CTNNA3: variants seen among roughly 807,000 people sequenced by gnomAD.
CTNNA3 encodes catenin alpha 3, also known as catenin alpha-3.
CTNNA3 carries 76 observed loss-of-function variants against 95.7 expected under a neutral mutation model. That is an observed-to-expected ratio of 0.79 (90% CI 0.66 to 0.96). The LOEUF (loss-of-function observed/expected upper bound fraction) is 0.96. Among genes scored for constraint, CTNNA3 ranks in the 40% least tolerant of loss-of-function variants. The pLI, the probability that CTNNA3 is intolerant of heterozygous loss-of-function variation, is 0.00. For missense variants in CTNNA3, 1,191 were observed against 1,089.8 expected (o/e 1.09, Z -1.31); for synonymous variants, 431 against 374.4 (o/e 1.15, Z -1.74).
At chr10:67,575,652 C>G (rs1443087666) in intron 3 of CTNNA3, among the ~76,000 whole-genome samples, 1 of 152,152 alleles carries the variant, frequency 6.6e-6, no homozygotes, top group Non-Finnish European at 1.5e-5. Context: ...CTACTCCAAG[C>G]CAGAGATTCT....
At chr10:65,964,835 G>A (rs1452505704) in intron 17 of CTNNA3, among the ~76,000 whole-genome samples, 1 of 151,940 alleles carries the variant, frequency 6.6e-6, no homozygotes, top group Non-Finnish European at 1.5e-5. Context: ...AAGCCAAAAG[G>A]AATATACAGT....
At chr10:67,455,236 G>A (rs2132975746) in intron 5 of CTNNA3, among the ~76,000 whole-genome samples, 1 of 151,986 alleles carries the variant, frequency 6.6e-6, no homozygotes, top group African/African-American at 2.4e-5. Flanking sequence ...AATAAAATAG[G>A]GTAGTTTTTA....
At chr10:66,233,698 T>C (rs35988218) in intron 13 of CTNNA3, among the ~76,000 whole-genome samples, 18,549 of 152,146 alleles carry the variant, frequency 0.12, 1,436 homozygotes, top group East Asian at 0.26. Context: ...TAAAAAGCAA[T>C]ACTATTTCAC....
chr10:66,138,779 A>G (rs1235779176), intron 13 of CTNNA3, among the ~76,000 whole-genome samples: 1 of 152,182 alleles, frequency 6.6e-6, no homozygotes, highest in African/African-American at 2.4e-5. Context: ...GAATCGCTTG[A>G]ACCCAGGAGG....
rs563262427 is a variant in CTNNA3 at position 65,949,584 on chromosome 10, G to T, written c.2400+17028C>A. Among the ~76,000 whole-genome samples, 10 of 152,252 alleles carry T rather than the reference G, an allele frequency of 6.6e-5. No homozygotes were observed. The East Asian group carries it at 1.7e-3, about 26-fold the overall frequency. On this transcript the variant is annotated intron_variant, in intron 17 of 17. Transcript: ENST00000433211. ...AGAAGGGGAGGGAAGAAAAAAGCATGGGGAGGTAGGGCCTGGAACTAATAA... is the reference window on the plus strand; with the variant it reads ...AGAAGGGGAGGGAAGAAAAAAGCATTGGGAGGTAGGGCCTGGAACTAATAA...
chr10:66,362,728 A>G (rs1034795283), intron 12 of CTNNA3, among the ~76,000 whole-genome samples: 18 of 152,052 alleles, frequency 1.2e-4, no homozygotes, highest in Non-Finnish European at 2.2e-4. Flanking sequence ...CGACCAAAAA[A>G]AAAAAGGTAA....
chr10:67,583,935 C>G (rs942500982), intron 3 of CTNNA3, among the ~76,000 whole-genome samples: 2 of 152,144 alleles, frequency 1.3e-5, no homozygotes, highest in African/African-American at 2.4e-5. Context: ...CTTCTCTATG[C>G]TGCTTATTCT....
Position 66,421,729 on chromosome 10 carries a change from G to A in CTNNA3, c.1532-42377C>T, listed in dbSNP as rs573517666. The stretch of plus-strand genomic sequence containing the variant: ...TGCACGCCTGTAGTCCCAGCTACTC[G>A]GGAGGCTGAGGCAAAGAAATGGCTG... On this transcript the variant is annotated intron_variant, in intron 11 of 17. Transcript: ENST00000433211. 1.5e-4 allele frequency among the ~76,000 whole-genome samples: 22 copies of A among 150,844 alleles called. No homozygotes were observed. In the South Asian group the frequency reaches 2.5e-3, roughly 17 times the overall value.
At chr10:66,954,939 C>T (rs1925568) in intron 7 of CTNNA3, among the ~76,000 whole-genome samples, 65,277 of 151,902 alleles carry the variant, frequency 0.43, 15,575 homozygotes, top group East Asian at 0.6. Context: ...ATATATAAAA[C>T]GGAAGTAATA....
At chr10:67,157,697 T>C (rs1298986825) in intron 7 of CTNNA3, among the ~76,000 whole-genome samples, 1 of 152,114 alleles carries the variant, frequency 6.6e-6, no homozygotes, top group Non-Finnish European at 1.5e-5. Flanking sequence ...GCCCAGTCTC[T>C]AAATGTCACT....
At chr10:67,750,051 G>T (rs1489937116) in intron 1 of CTNNA3, among the ~76,000 whole-genome samples, 2 of 152,108 alleles carry the variant, frequency 1.3e-5, no homozygotes, top group Non-Finnish European at 2.9e-5. Flanking sequence ...AGGTCCGCGG[G>T]CTCATTTTGA....
At chr10:67,215,439 G>GAA (rs1344537859) in intron 6 of CTNNA3, among the ~76,000 whole-genome samples, 1 of 152,102 alleles carries the variant, frequency 6.6e-6, no homozygotes, top group African/African-American at 2.4e-5. Context: ...AACCGTATGA[G>GAA]AATTTTTTGA....
At chr10:66,614,508 T>C (rs1844442801) in intron 10 of CTNNA3, among the ~76,000 whole-genome samples, 1 of 151,984 alleles carries the variant, frequency 6.6e-6, no homozygotes, top group Non-Finnish European at 1.5e-5. Flanking sequence ...TACTTTGTTC[T>C]TTTTATATTT....
At chr10:67,256,177 A>T (rs891803475) in intron 5 of CTNNA3, among the ~76,000 whole-genome samples, 1 of 152,148 alleles carries the variant, frequency 6.6e-6, no homozygotes, top group South Asian at 2.1e-4. Context: ...CCATTAGGAA[A>T]ATATTATTTG....
At chr10:67,574,733 G>A (rs958288338) in intron 3 of CTNNA3, among the ~76,000 whole-genome samples, 1 of 151,536 alleles carries the variant, frequency 6.6e-6, no homozygotes, top group African/African-American at 2.4e-5. Flanking sequence ...GGCACCCACC[G>A]CCATGCCCGG....
chr10:65,927,188 G>A (rs1487706052), intron 17 of CTNNA3, among the ~76,000 whole-genome samples: 3 of 152,076 alleles, frequency 2.0e-5, no homozygotes, highest in East Asian at 3.9e-4. Context: ...GTTAACTCAC[G>A]TATTAAACGA....
intron 13 of CTNNA3, among the ~76,000 whole-genome samples, chr10:66,133,411 A>T (rs747553573): frequency 6.2e-4 from 94 of 152,064 alleles, no homozygotes; most frequent in Non-Finnish European, 8.7e-4. Flanking sequence ...GCTATGGGGG[A>T]GGCTGAGACA....
intron 1 of CTNNA3, among the ~76,000 whole-genome samples, chr10:67,694,502 T>C (rs1840926694): frequency 6.6e-6 from 1 of 152,150 alleles, no homozygotes; most frequent in East Asian, 1.9e-4. Context: ...AAGGAAATTA[T>C]CTTAAACATA....
chr10:67,763,566 G>T (rs1349024330), exon 1 of CTNNA3, among the ~76,000 whole-genome samples: 1 of 152,170 alleles, frequency 6.6e-6, no homozygotes, highest in African/African-American at 2.4e-5. Flanking sequence ...CTAGTAAAAG[G>T]CCTTCTGTTA....
Sources: allele counts gnomAD v4.1 joint callset (sites outside exome capture counted in the v4.1 genomes callset), GRCh38; gene constraint gnomAD v4.1.1; transcripts MANE v1.5; gene names NCBI Gene and HGNC (gene_info 2026-07-23, HGNC 2026-07-21).